ERC1: variants seen among roughly 807,000 people sequenced by gnomAD.
ERC1 encodes the protein ELKS/RAB6-interacting/CAST family member 1, also known as RAB6 interacting protein 2.
In ERC1, 56 loss-of-function variants were observed where a neutral mutation model predicts 132.0. The ratio of observed to expected loss-of-function variants is 0.42; its 90% confidence interval spans 0.34 to 0.53. The LOEUF is 0.53. Ranked by LOEUF, ERC1 falls within the 20% of genes least tolerant of loss-of-function variation. ERC1 has a pLI of 0.03. For missense variants in ERC1, 1,202 were observed against 1,349.9 expected (o/e 0.89, Z 1.72); for synonymous variants, 478 against 476.1 (o/e 1.00, Z -0.05).
At chr12:1,103,927 G>A (rs1944950450) in intron 3 of ERC1, among the ~76,000 whole-genome samples, 1 of 152,124 alleles carries the variant, frequency 6.6e-6, no homozygotes, top group Admixed American at 6.5e-5. Context: ...TGGAAGTAGG[G>A]AGAGAGGCAG....
At chr12:993,359 G>A (rs1430866091) in intron 1 of ERC1, among the ~76,000 whole-genome samples, 1 of 152,200 alleles carries the variant, frequency 6.6e-6, no homozygotes, top group Non-Finnish European at 1.5e-5. Flanking sequence ...GTAGTAAGCT[G>A]TGATTCTTGT....
chr12:1,344,832 C>G (rs1454071754), intron 15 of ERC1, among the ~76,000 whole-genome samples: 1 of 152,148 alleles, frequency 6.6e-6, no homozygotes, highest in Non-Finnish European at 1.5e-5. Flanking sequence ...CAAGGAAGTT[C>G]AGGAAGCTGC....
chr12:1,244,904 A>T (rs1444807655), intron 13 of ERC1: 1 of 154,036 alleles, frequency 6.5e-6, no homozygotes, highest in South Asian at 2.0e-4. Context: ...TAGTTACGTT[A>T]AAAAGCACGT....
intron 18 of ERC1, among the ~76,000 whole-genome samples, chr12:1,452,420 T>G (rs1050294975): frequency 3.9e-5 from 6 of 152,208 alleles, no homozygotes; most frequent in Non-Finnish European, 7.3e-5. Flanking sequence ...TGTGTTTTTC[T>G]GTATATCTAT....
At chr12:1,238,776 T>C (rs1380835171) in intron 13 of ERC1, among the ~76,000 whole-genome samples, 1 of 152,158 alleles carries the variant, frequency 6.6e-6, no homozygotes, top group Non-Finnish European at 1.5e-5. Flanking sequence ...TAATCTTCTC[T>C]CAGTTGTTAT....
chr12:1,272,869 A>C (rs1433053800), intron 14 of ERC1, among the ~76,000 whole-genome samples: 1 of 147,382 alleles, frequency 6.8e-6, no homozygotes, highest in Admixed American at 6.9e-5. Context: ...AATTGCTTGA[A>C]CCCGGGCAGC....
intron 1 of ERC1, among the ~76,000 whole-genome samples, chr12:1,005,517 T>C (rs1021610032): frequency 6.6e-6 from 1 of 152,168 alleles, no homozygotes; most frequent in Admixed American, 6.6e-5. Context: ...AGATATAAAG[T>C]TATTAAACAG....
intron 15 of ERC1, among the ~76,000 whole-genome samples, chr12:1,304,273 A>G (rs2080659503): frequency 6.6e-6 from 1 of 152,212 alleles, no homozygotes; most frequent in Non-Finnish European, 1.5e-5. Flanking sequence ...TTTTGTCCTC[A>G]GGCTGGTGTC....
At chr12:1,027,596 C>T in intron 1 of ERC1, 152 bp from the exon 2 acceptor site, 1 of 303,356 alleles carries the variant, frequency 3.3e-6, no homozygotes, top group Admixed American at 4.5e-5. Flanking sequence ...ATATTGTTTA[C>T]TATGAGTACA....
At chr12:1,169,481 C>T (rs948192743) in intron 8 of ERC1, among the ~76,000 whole-genome samples, 1 of 152,168 alleles carries the variant, frequency 6.6e-6, no homozygotes, top group Non-Finnish European at 1.5e-5. Flanking sequence ...GAATCGCTCC[C>T]TCTGTACAAT....
chr12:1,261,874 C>T (rs562075654), intron 13 of ERC1, among the ~76,000 whole-genome samples: 6 of 151,870 alleles, frequency 4.0e-5, no homozygotes, highest in South Asian at 4.2e-4. Context: ...TTTAGAAAAA[C>T]GAGAGAGGAA....
At chr12:1,407,472 A>G (rs1158353729) in intron 16 of ERC1, among the ~76,000 whole-genome samples, 1 of 151,726 alleles carries the variant, frequency 6.6e-6, no homozygotes, top group Non-Finnish European at 1.5e-5. Flanking sequence ...GGATGGCTTG[A>G]GGCCAGGAGC....
chr12:1,039,841 C>G (rs1404533022), intron 2 of ERC1, among the ~76,000 whole-genome samples: 1 of 152,094 alleles, frequency 6.6e-6, no homozygotes, highest in Non-Finnish European at 1.5e-5. Context: ...AGCTACATGC[C>G]TCTGCTTATG....
At chr12:1,272,934 T>C (rs988800629) in intron 14 of ERC1, among the ~76,000 whole-genome samples, 10 of 122,994 alleles carry the variant, frequency 8.1e-5, no homozygotes, top group African/African-American at 3.3e-4. Flanking sequence ...AGTGATAGAG[T>C]GAGACTCCGT....
chr12:1,274,118 A>C (rs1463334784), intron 14 of ERC1, among the ~76,000 whole-genome samples: 1 of 152,222 alleles, frequency 6.6e-6, no homozygotes, highest in Non-Finnish European at 1.5e-5. Context: ...TGGAGGAAAA[A>C]GGAGTGGAAT....
At position 1,145,022 on chromosome 12, in the gene ERC1, G is replaced by C. The variant is rs368463558; in HGVS notation, c.1737+3235G>C. On this transcript the variant is annotated intron_variant, in intron 8 of 18. Transcript: ENST00000360905. Reference sequence around the variant, plus strand: ...TTTCACTGATAATTAGTGATGCAGAGCTTTTTTTTTTTGAGATGGAATCTT... The same window carrying C: ...TTTCACTGATAATTAGTGATGCAGACCTTTTTTTTTTTGAGATGGAATCTT... Among the ~76,000 whole-genome samples the C allele has an allele frequency of 1.2e-3, 177 of 151,782 alleles. No homozygotes were observed. The South Asian group carries it at 0.014, about 12-fold the overall frequency.
intron 18 of ERC1, among the ~76,000 whole-genome samples, chr12:1,485,076 A>G (rs1023989216): frequency 1.4e-5 from 2 of 147,458 alleles, no homozygotes; most frequent in Non-Finnish European, 3.0e-5. Context: ...TTTTGTAGAG[A>G]TGGGGTCTCG....
chr12:1,180,486 A>T (rs187729570), intron 8 of ERC1, 54 bp from the exon 9 acceptor site: 5 of 1,534,714 alleles, frequency 3.3e-6, no homozygotes, highest in Non-Finnish European at 4.5e-6. Context: ...TGATTGTGCT[A>T]TTGTTTTTTT....
In ERC1 at chr12:1,212,267, C is replaced by T. The variant is rs529421281; in HGVS notation, c.2351+22215C>T. 2.0e-5 allele frequency among the ~76,000 whole-genome samples: 3 copies of T among 152,272 alleles called. No homozygotes were observed. The East Asian group carries it at 5.8e-4, about 29-fold the overall frequency. The stretch of plus-strand genomic sequence containing the variant: ...GTCATTCTGAACCATGAGGTTTTCC[C>T]CAAGATAACACATTCTCCTTTTCCT... On this transcript the variant is annotated intron_variant, in intron 12 of 18. Transcript: ENST00000360905.
Sources: allele counts gnomAD v4.1 joint callset (sites outside exome capture counted in the v4.1 genomes callset), GRCh38; gene constraint gnomAD v4.1.1; transcripts MANE v1.5; gene names NCBI Gene and HGNC (gene_info 2026-07-23, HGNC 2026-07-21).